Variants in ZAR1L observed in about 807,000 individuals in gnomAD.
The protein encoded by ZAR1L is zygote arrest 1 like.
In ZAR1L, 16 loss-of-function variants were observed where a neutral mutation model predicts 30.0. The ratio of observed to expected loss-of-function variants is 0.53; its 90% CI spans 0.36 to 0.81. The LOEUF (loss-of-function observed/expected upper bound fraction) is 0.81, where lower values mean the gene tolerates loss of function less well. Among genes scored for constraint, ZAR1L ranks in the 30% least tolerant of loss-of-function variants. ZAR1L has a pLI of 0.00. For missense variants in ZAR1L, 392 were observed against 417.2 expected, an observed-to-expected ratio of 0.94 and a Z score of 0.53; for synonymous variants, 197 against 166.8, an observed-to-expected ratio of 1.18 and a Z score of -1.40.
chr13:32,310,805 A>G (rs2072206857), intron 3 of ZAR1L, 74 bp from the exon 4 acceptor site: 1 of 971,184 alleles, frequency 1.0e-6, no homozygotes, highest in Admixed American at 2.3e-5. Context: ...ATGACTTTGT[A>G]TAAGGAAAAA....
chr13:32,306,050 T>A (rs1186065238), intron 5 of ZAR1L, among the ~76,000 whole-genome samples: 1 of 152,182 alleles, frequency 6.6e-6, no homozygotes, highest in East Asian at 1.9e-4. Flanking sequence ...CAGCAAAAAA[T>A]TGAAGTTTTC....
intron 5 of ZAR1L, among the ~76,000 whole-genome samples, chr13:32,304,764 A>AT (rs1333937608): frequency 2.1e-5 from 3 of 145,242 alleles, no homozygotes. Flanking sequence ...CTGCCATTCT[A>AT]TTTTCTACAT....
intron 5 of ZAR1L, among the ~76,000 whole-genome samples, chr13:32,306,062 T>C (rs2072172400): frequency 1.3e-5 from 2 of 152,214 alleles, no homozygotes; most frequent in Non-Finnish European, 2.9e-5. Flanking sequence ...GAAGTTTTCT[T>C]CTAAAGCAAT....
At position 32,308,680 on chromosome 13, in the gene ZAR1L, G is replaced by A. The variant is rs2072192615; in HGVS notation, c.822+6C>T. 3.9e-6 allele frequency: 6 copies of A among 1,547,338 alleles called. No individual in the cohort carries two copies. Among genetic ancestry groups the A allele is most frequent in the Non-Finnish European group, 5.2e-6 (6 of 1,143,396 alleles). ...TAGACACAATGGAAGTGTTCCATAT[G>A]CTCACCTGACATTGGATTGCTTCTA... On this transcript the variant is annotated splice_donor_region_variant and intron_variant, in intron 5 of 5. Coordinates refer to ENST00000533490, the MANE Select transcript of ZAR1L (RefSeq NM_001136571.2).
rs768317450 is a variant in ZAR1L at position 32,311,304 on chromosome 13, C to A, written c.622G>T (p.Ala208Ser). 6.5e-7 allele frequency: 1 copy of A among 1,547,628 alleles called. No homozygotes were observed. The highest frequency in any genetic ancestry group is 1.2e-5 in the South Asian group (1 of 83,570). Residue 208 changes from alanine (A) to serine (S), a missense_variant, in exon 3 of 6, where the codon GCC (alanine) becomes TCC (serine). By Grantham distance (99) the Ala-to-Ser change is moderately conservative (BLOSUM62 1). Coordinates refer to ENST00000533490, the MANE Select transcript of ZAR1L (RefSeq NM_001136571.2). ...TTGGGCCTCCGGAGCGGCTCGGAGGCGGCGTCTCCAGGCACCTGCTTGCTC... is the reference window on the plus strand; with the variant it reads ...TTGGGCCTCCGGAGCGGCTCGGAGGAGGCGTCTCCAGGCACCTGCTTGCTC... ...TKSKQVPGDA[A>S]SEPLRRPNFQ...
At chr13:32,310,845 T>A in intron 3 of ZAR1L, 114 bp from the exon 4 acceptor site, 1 of 710,524 alleles carries the variant, frequency 1.4e-6, no homozygotes, top group Non-Finnish European at 2.5e-6. Flanking sequence ...CACTTGTATC[T>A]ATTCTCAAGA....
intron 5 of ZAR1L, among the ~76,000 whole-genome samples, chr13:32,305,552 A>G (rs974826460): frequency 2.0e-5 from 3 of 152,230 alleles, no homozygotes; most frequent in African/African-American, 7.2e-5. Context: ...AACAAGTAAT[A>G]CTCACATGGT....
intron 2 of ZAR1L, among the ~76,000 whole-genome samples, chr13:32,313,438 C>T (rs2072228214): frequency 6.6e-6 from 1 of 152,248 alleles, no homozygotes; most frequent in African/African-American, 2.4e-5. Flanking sequence ...ATGATTTCGG[C>T]TCACTGCAAC....
intron 5 of ZAR1L, among the ~76,000 whole-genome samples, chr13:32,306,017 C>A (rs1364295086): frequency 1.3e-5 from 2 of 152,116 alleles, no homozygotes; most frequent in Non-Finnish European, 2.9e-5. Context: ...CTAATATGTT[C>A]AAGGAAATAA....
At position 32,310,649 on chromosome 13, in the gene ZAR1L, C is replaced by G; in HGVS notation, c.737G>C (p.Gly246Ala). 1 of 1,550,424 alleles carries G rather than the reference C, an allele frequency of 6.4e-7. No homozygotes were observed. Among genetic ancestry groups the G allele is most frequent in the Non-Finnish European group, 8.7e-7 (1 of 1,145,658 alleles). ...ACTCTTTTTATTTACCTTGTTCGTT[C>G]CAGAAATGCACCACACGTAAGCACT... is the stretch of plus-strand genomic sequence containing the variant. ...WESAYVWCIS[G>A]TNKVYFKQLC... Residue 246 changes from glycine to alanine, a missense_variant, in exon 4 of 6, where the codon GGA becomes GCA. Gly to Ala is a moderately conservative substitution (Grantham distance 60). Coordinates refer to ENST00000533490, the MANE Select transcript of ZAR1L (RefSeq NM_001136571.2).
chr13:32,304,840 G>A (rs1200791546), intron 5 of ZAR1L, among the ~76,000 whole-genome samples: 2 of 135,832 alleles, frequency 1.5e-5, no homozygotes, highest in South Asian at 2.3e-4. Context: ...ATGGAGTCTC[G>A]CTCTGTCGCC....
rs903656091 is a variant in ZAR1L, at chr13:32,311,888, TG to T, written c.37del (p.Gln13ArgfsTer63). 6.4e-7 allele frequency: 1 copy of T among 1,551,284 alleles called. No homozygotes were observed. Among genetic ancestry groups the T allele is most frequent in the African/African-American group, 1.4e-5 (1 of 73,056 alleles). ...CAAAGGCACTGTGCTCCCATAACCC[TG>T]GTACAAGCCATAGGGAACACGGACA... ...RFVRVPYGLY[Q>X]GYGSTVPLGQ... On this transcript the variant is annotated frameshift_variant, in exon 3 of 6. Transcript: ENST00000533490. LOFTEE classifies it high-confidence loss of function.
At chr13:32,309,285 T>C (rs206107) in intron 4 of ZAR1L, among the ~76,000 whole-genome samples, 57,281 of 151,878 alleles carry the variant, frequency 0.38, 11,004 homozygotes, top group East Asian at 0.49. Context: ...AGCCACCGCA[T>C]CCAGCCAGAA....
At chr13:32,305,673 G>T (rs2072169584) in intron 5 of ZAR1L, among the ~76,000 whole-genome samples, 1 of 152,158 alleles carries the variant, frequency 6.6e-6, no homozygotes, top group South Asian at 2.1e-4. Context: ...TACCCTAAAG[G>T]TTGATTTTTG....
At chr13:32,315,014 C>A (rs937256122) in intron 1 of ZAR1L, among the ~76,000 whole-genome samples, 2 of 152,136 alleles carry the variant, frequency 1.3e-5, no homozygotes, top group African/African-American at 4.8e-5. Context: ...AACTAAAATC[C>A]TCTGATTTCA....
Position 32,311,362 on chromosome 13 carries a change from C to T in ZAR1L, c.564G>A (p.Gly188=). ...QEEPGQLEES[G]EKDAPCPQET... is the part of the protein sequence containing the mutation. ...CCTGAGGGCACGGGGCGTCTTTCTC[C>T]CCCGATTCCTCCAGCTGCCCGGGCT... Residue 188 remains glycine, a synonymous_variant, in exon 3 of 6, where the codon GGG becomes GGA. Transcript: ENST00000533490. The T allele has an allele frequency of 6.4e-7, 1 of 1,551,014 alleles. No individual in the cohort carries two copies. Among genetic ancestry groups the T allele is most frequent in the Non-Finnish European group, 8.7e-7 (1 of 1,146,988 alleles).
chr13:32,314,291 C>T (rs1200378415), intron 2 of ZAR1L, 39 bp downstream of exon 2: 2 of 152,198 alleles, frequency 1.3e-5, no homozygotes, highest in Admixed American at 1.3e-4. Context: ...TACTGATTAT[C>T]AAACTAAAAT....
rs1279904304 is a variant in ZAR1L at position 32,312,113 on chromosome 13, T to C, written c.-168-20A>G. 2.9e-6 allele frequency: 2 copies of C among 694,292 alleles called. No individual in the cohort carries two copies. The highest frequency in any genetic ancestry group is 6.6e-5 in the Admixed American group (2 of 30,472). The allele number at this position is 694,292 out of a possible 1,614,324, so 43.0% of individuals were successfully genotyped here. On this transcript the variant is annotated intron_variant, in intron 2 of 5. Transcript: ENST00000533490. The stretch of plus-strand genomic sequence containing the variant: ...ATTACCCTGATTGAGGGAGAGAAGC[T>C]CTATCTACAGATGTCTAATTGCCAC...
chr13:32,312,119 T>G lies in ZAR1L; in HGVS notation c.-168-26A>C, dbSNP rs2138690313. On this transcript the variant is annotated intron_variant, in intron 2 of 5. Transcript: ENST00000533490. The stretch of plus-strand genomic sequence containing the variant: ...CTGATTGAGGGAGAGAAGCTCTATC[T>G]ACAGATGTCTAATTGCCACCTGATT... 5 of 635,894 alleles carry G rather than the reference T, an allele frequency of 7.9e-6. No individual in the cohort carries two copies. The South Asian group carries it at 1.2e-4, about 16-fold the overall frequency. The allele number at this position is 635,894 out of a possible 1,614,324, so 39.4% of individuals were successfully genotyped here.
Sources: gnomAD v4.1 joint callset for allele counts (sites outside exome capture counted in the v4.1 genomes callset) on GRCh38, gnomAD v4.1.1 for gene constraint, MANE v1.5 for transcripts, NCBI Gene and HGNC (gene_info 2026-07-23, HGNC 2026-07-21) for gene names.